Variants in TMEM178B observed in about 807,000 individuals in gnomAD.
The protein encoded by TMEM178B is transmembrane protein 178B.
In TMEM178B, 5 loss-of-function variants were observed where a neutral mutation model predicts 31.0. The ratio of observed to expected loss-of-function variants is 0.16; its 90% CI spans 0.08 to 0.34. The LOEUF is 0.34. Ranked by LOEUF, TMEM178B falls within the 10% of genes least tolerant of loss-of-function variation. The pLI is 1.00. For synonymous variants in TMEM178B, 164 were observed against 164.0 expected, an observed-to-expected ratio of 1.00 and a Z score of 0.00; for missense variants, 275 against 400.3, an observed-to-expected ratio of 0.69 and a Z score of 2.67.
intron 1 of TMEM178B, among the ~76,000 whole-genome samples, chr7:141,165,704 T>C (rs564471077): frequency 6.6e-6 from 1 of 152,340 alleles, no homozygotes; most frequent in East Asian, 1.9e-4. Context: ...AGCTGGAATT[T>C]AGTGTAGTGT....
chr7:141,392,783 C>G (rs1284620490), intron 2 of TMEM178B, among the ~76,000 whole-genome samples: 1 of 151,580 alleles, frequency 6.6e-6, no homozygotes, highest in Non-Finnish European at 1.5e-5. Context: ...GCTCAGTGGA[C>G]AGCAGCATCT....
chr7:141,393,036 C>A, intron 2 of TMEM178B, among the ~76,000 whole-genome samples: 1 of 152,136 alleles, frequency 6.6e-6, no homozygotes, highest in East Asian at 1.9e-4. Context: ...CCAGTTGCAG[C>A]AATCTTAGCC....
At chr7:141,152,150 A>C (rs1795985469) in intron 1 of TMEM178B, among the ~76,000 whole-genome samples, 1 of 152,198 alleles carries the variant, frequency 6.6e-6, no homozygotes, top group African/African-American at 2.4e-5. Flanking sequence ...AAAACTCCCA[A>C]GCCAGGAGAC....
downstream of TMEM178B, among the ~76,000 whole-genome samples, chr7:141,483,629 G>A (rs1347200811): frequency 2.6e-5 from 4 of 152,282 alleles, no homozygotes; most frequent in Admixed American, 2.0e-4. Context: ...TAGCAAATAT[G>A]AGAGTGCCTC....
chr7:141,480,319 C>T lies in TMEM178B; in HGVS notation c.*9533C>T, dbSNP rs1802451016. On this transcript the variant is annotated 3_prime_UTR_variant, in exon 4 of 4. Coordinates refer to ENST00000565468, the MANE Select transcript of TMEM178B (RefSeq NM_001195278.2). The stretch of plus-strand genomic sequence containing the variant: ...TTCATGGAAAAAATAAATAATCTGT[C>T]AGTTGTGGAATGTAAACTGATTAAA... The T allele has an allele frequency of 6.6e-6, 1 of 152,034 alleles. No individual in the cohort carries two copies. The highest frequency in any genetic ancestry group is 2.4e-5 in the African/African-American group (1 of 41,378). The allele number at this position is 152,034 out of a possible 1,614,324, so 9.4% of individuals were successfully genotyped here.
chr7:141,334,561 C>A (rs914165659), intron 2 of TMEM178B, among the ~76,000 whole-genome samples: 2 of 152,154 alleles, frequency 1.3e-5, no homozygotes, highest in African/African-American at 4.8e-5. Flanking sequence ...GATACACAAC[C>A]AAGTTCCTTG....
rs1586989209 is a variant in TMEM178B at position 141,480,310 on chromosome 7, ATAAT to A, written c.*9525_*9528del. 2 of 152,200 alleles carry A rather than the reference ATAAT, an allele frequency of 1.3e-5. No homozygotes were observed. Among genetic ancestry groups the A allele is most frequent in the East Asian group, 3.9e-4 (2 of 5,192 alleles). 9.4% of individuals were successfully genotyped at this position (152,200 alleles called of 1,614,324 possible). On this transcript the variant is annotated 3_prime_UTR_variant, in exon 4 of 4. Coordinates refer to ENST00000565468, the MANE Select transcript of TMEM178B (RefSeq NM_001195278.2). The stretch of plus-strand genomic sequence containing the variant: ...AATGACTTGTTCATGGAAAAAATAA[ATAAT>A]CTGTCAGTTGTGGAATGTAAACTGA...
At chr7:141,507,311 A>C in the TMEM178B span, among the ~76,000 whole-genome samples, 2 of 152,190 alleles carry the variant, frequency 1.3e-5, no homozygotes, top group South Asian at 4.1e-4. Context: ...TGCCCCTGCA[A>C]CAAACTTTCA....
intron 3 of TMEM178B, among the ~76,000 whole-genome samples, chr7:141,449,808 A>G (rs1181768): frequency 0.8 from 121,810 of 152,212 alleles, 49,005 homozygotes; most frequent in African/African-American, 0.87. Context: ...CACCCCTGCA[A>G]AGGAGGTGGG....
Position 141,474,039 on chromosome 7 carries a change from C to T in TMEM178B, c.*3253C>T, listed in dbSNP as rs1482769216. 6.6e-6 allele frequency: 1 copy of T among 152,130 alleles called. No homozygotes were observed. Among genetic ancestry groups the T allele is most frequent in the Non-Finnish European group, 1.5e-5 (1 of 68,044 alleles). 9.4% of individuals were successfully genotyped at this position (152,130 alleles called of 1,614,324 possible). A position where few individuals can be genotyped will look rare whatever the true frequency, so the allele number is the denominator to read the frequency against. On this transcript the variant is annotated 3_prime_UTR_variant, in exon 4 of 4. Transcript: ENST00000565468. ...CCAACCTTATGAGGGCATTTAGGGT[C>T]AATGACCTCACTAAAGTCACCAGCC...
chr7:141,490,258 T>C, the TMEM178B span, among the ~76,000 whole-genome samples: 101 of 152,372 alleles, frequency 6.6e-4, no homozygotes, highest in African/African-American at 2.0e-3. Flanking sequence ...TAAGCCTCAG[T>C]ACCTGAGAAT....
chr7:141,295,967 C>T (rs1012631785), intron 2 of TMEM178B, among the ~76,000 whole-genome samples: 2 of 152,150 alleles, frequency 1.3e-5, no homozygotes, highest in Non-Finnish European at 2.9e-5. Flanking sequence ...CTGTAACTGA[C>T]AGCAGCGCAC....
rs1801220911 is a variant in TMEM178B at position 141,422,079 on chromosome 7, C to G, written c.497-15529C>G. ...TCGGGCTTGACATTTTCTTAGAAAC[C>G]TGCAATACGGAAAGAGATCTGTTCA... On this transcript the variant is annotated intron_variant, in intron 2 of 3. Transcript: ENST00000565468. This position sits in a 1 kb window ranked among gnomAD's most constrained non-coding sequence, Gnocchi z 4.2. Among the ~76,000 whole-genome samples the G allele has an allele frequency of 6.6e-6, 1 of 152,178 alleles. No homozygotes were observed. Among genetic ancestry groups the G allele is most frequent in the Non-Finnish European group, 1.5e-5 (1 of 68,042 alleles).
chr7:141,390,638 C>T (rs1800517902), intron 2 of TMEM178B, among the ~76,000 whole-genome samples: 1 of 152,226 alleles, frequency 6.6e-6, no homozygotes, highest in African/African-American at 2.4e-5. Context: ...AAACTACCTG[C>T]CCCGTTCTGA....
chr7:141,090,018 A>G (rs1003513848), intron 1 of TMEM178B, among the ~76,000 whole-genome samples: 3 of 152,044 alleles, frequency 2.0e-5, no homozygotes, highest in Non-Finnish European at 2.9e-5. Context: ...TAAAAAAAAA[A>G]GTCTAGCCAC....
At position 141,476,671 on chromosome 7, in the gene TMEM178B, G is replaced by A. The variant is rs1041634462; in HGVS notation, c.*5885G>A. 4 of 152,156 alleles carry A rather than the reference G, an allele frequency of 2.6e-5. No individual in the cohort carries two copies. Among genetic ancestry groups the A allele is most frequent in the South Asian group, 2.1e-4 (1 of 4,820 alleles). 9.4% of individuals were successfully genotyped at this position (152,156 alleles called of 1,614,324 possible). On this transcript the variant is annotated 3_prime_UTR_variant, in exon 4 of 4. Transcript: ENST00000565468. ...CTTTAGATGGTACATTCACTAAGACGTGTCTGGGTGTGATCCTGTTTGGGA... is the reference window on the plus strand; with the variant it reads ...CTTTAGATGGTACATTCACTAAGACATGTCTGGGTGTGATCCTGTTTGGGA...
At chr7:141,185,134 G>A (rs1051603474) in intron 1 of TMEM178B, among the ~76,000 whole-genome samples, 3 of 152,178 alleles carry the variant, frequency 2.0e-5, no homozygotes, top group African/African-American at 2.4e-5. Context: ...CCAACCCCAC[G>A]GCAGTATCTA....
chr7:141,321,919 A>C (rs1799106234), intron 2 of TMEM178B, among the ~76,000 whole-genome samples: 1 of 152,026 alleles, frequency 6.6e-6, no homozygotes, highest in Non-Finnish European at 1.5e-5. Flanking sequence ...CAGATATAGA[A>C]GCCATTTCCC....
intron 1 of TMEM178B, among the ~76,000 whole-genome samples, chr7:141,201,823 G>C (rs111334959): frequency 6.6e-6 from 1 of 152,186 alleles, no homozygotes; most frequent in Non-Finnish European, 1.5e-5. Flanking sequence ...ACTCTGATAA[G>C]AGCAGTAGAG....
Sources: gnomAD v4.1 joint callset for allele counts (sites outside exome capture counted in the v4.1 genomes callset) on GRCh38, gnomAD v4.1.1 for gene constraint, Gnocchi (gnomAD v3.1) non-coding constraint, MANE v1.5 for transcripts, NCBI Gene and HGNC (gene_info 2026-07-23, HGNC 2026-07-21) for gene names.